The following RIN3 variants were observed in gnomAD, a reference collection of about 807,000 sequenced individuals.
The protein encoded by RIN3 is Ras and Rab interactor 3, also known as RAB5 interacting protein 3.
RIN3 carries 54 observed loss-of-function variants against 76.3 expected under a neutral mutation model. The ratio of observed to expected loss-of-function variants is 0.71; its 90% CI spans 0.57 to 0.89. The LOEUF is 0.89. Among genes scored for constraint, RIN3 ranks in the 40% least tolerant of loss-of-function variants. The probability of loss-of-function intolerance (pLI) is 0.00; values close to 1 mark genes in which losing one functional copy is unlikely to be tolerated. For synonymous variants in RIN3, 576 were observed against 564.0 expected, an observed-to-expected ratio of 1.02 and a Z score of -0.30; for missense variants, 1,256 against 1,322.1, an observed-to-expected ratio of 0.95 and a Z score of 0.78.
intron 1 of RIN3, among the ~76,000 whole-genome samples, chr14:92,549,437 C>G (rs1897365711): frequency 6.6e-6 from 1 of 152,212 alleles, no homozygotes; most frequent in Admixed American, 6.5e-5. Context: ...CCCCCTACCC[C>G]TAATAGGCAG....
At chr14:92,599,137 G>A (rs11160076) in intron 3 of RIN3, among the ~76,000 whole-genome samples, 15,781 of 152,232 alleles carry the variant, frequency 0.1, 1,209 homozygotes, top group East Asian at 0.43. Context: ...GTGCATCCAG[G>A]CCTTGAAGCT....
intron 1 of RIN3, among the ~76,000 whole-genome samples, chr14:92,548,430 G>C (rs1027349859): frequency 6.6e-6 from 1 of 152,096 alleles, no homozygotes; most frequent in Admixed American, 6.5e-5. Context: ...CGGTTCCTAG[G>C]GCTGCAGTAG....
chr14:92,640,119 C>T (rs1411303933), intron 4 of RIN3, among the ~76,000 whole-genome samples: 5 of 113,466 alleles, frequency 4.4e-5, no homozygotes, highest in Admixed American at 1.0e-4. Context: ...TGCCTGACTG[C>T]GTTTGCTGGG....
At chr14:92,578,234 TAAAAAAAAA>T (rs777276864) in intron 3 of RIN3, among the ~76,000 whole-genome samples, 8 of 100,896 alleles carry the variant, frequency 7.9e-5, no homozygotes, top group South Asian at 5.9e-4. Flanking sequence ...AGATCTGGCC[TAAAAAAAAA>T]AAAAAAGAAA....
intron 1 of RIN3, among the ~76,000 whole-genome samples, chr14:92,544,475 A>G (rs28499885): frequency 0.29 from 40,307 of 138,490 alleles, 6,760 homozygotes; most frequent in East Asian, 0.54. Flanking sequence ...GATTCTTTGG[A>G]TGGCCAGTTG....
At chr14:92,548,905 C>T (rs1268573483) in intron 1 of RIN3, among the ~76,000 whole-genome samples, 1 of 152,078 alleles carries the variant, frequency 6.6e-6, no homozygotes, top group African/African-American at 2.4e-5. Context: ...ATGAGGATGA[C>T]TGAATTAACA....
rs149816063 is a variant in RIN3, at chr14:92,625,703, G to A, written c.440+10224G>A. Among the ~76,000 whole-genome samples the A allele has an allele frequency of 5.6e-3, 860 of 152,308 alleles. 5 individuals are homozygous for A. Among genetic ancestry groups the A allele is most frequent in the African/African-American group, 0.019 (799 of 41,562 alleles). On this transcript the variant is annotated intron_variant, in intron 4 of 9. Transcript: ENST00000216487. ...CCCATACTCTTTAGAGGGCCTGGTA[G>A]CTGAGGGTCTGGGTCCGCTAGTTGG...
At position 92,688,567 on chromosome 14, in the gene RIN3, TC is replaced by T; in HGVS notation, c.*316del. On this transcript the variant is annotated 3_prime_UTR_variant, in exon 10 of 10. Coordinates refer to ENST00000216487, the MANE Select transcript of RIN3 (RefSeq NM_024832.5). ...CGGCGCCCTCTTCACACGTAGCTCC[TC>T]AGGCCATTCCCCATGAGTCCCCCAC... 1 of 413,732 alleles carries T rather than the reference TC, an allele frequency of 2.4e-6. No individual in the cohort carries two copies. The highest frequency in any genetic ancestry group is 4.4e-6 in the Non-Finnish European group (1 of 228,912). The allele number at this position is 413,732 out of a possible 1,614,324, so 25.6% of individuals were successfully genotyped here.
intron 7 of RIN3, among the ~76,000 whole-genome samples, chr14:92,666,470 T>C (rs1463933454): frequency 1.3e-5 from 2 of 152,126 alleles, no homozygotes; most frequent in Admixed American, 6.5e-5. Flanking sequence ...CCTGGTCGAG[T>C]GTGTCTTCTC....
At chr14:92,566,650 AG>A (rs1020394631) in intron 2 of RIN3, among the ~76,000 whole-genome samples, 6 of 152,188 alleles carry the variant, frequency 3.9e-5, no homozygotes, top group Non-Finnish European at 8.8e-5. Flanking sequence ...TATCATAGGC[AG>A]GGACTATTAT....
Position 92,580,370 on chromosome 14 carries a change from CA to C in RIN3, c.367+2895del, listed in dbSNP as rs534940255. 4.5e-3 allele frequency among the ~76,000 whole-genome samples: 693 copies of C among 152,314 alleles called. 3 individuals are homozygous for C. The highest frequency in any genetic ancestry group is 0.015 in the African/African-American group (634 of 41,564). On this transcript the variant is annotated intron_variant, in intron 3 of 9. Coordinates refer to ENST00000216487, the MANE Select transcript of RIN3 (RefSeq NM_024832.5). ...ACAGAGTGAGACTCCGTCTCAACAACAACAAAAACAAAACACAACCCACACA... is the reference window on the plus strand; with the variant it reads ...ACAGAGTGAGACTCCGTCTCAACAACACAAAAACAAAACACAACCCACACA...
intron 5 of RIN3, 70 bp from the exon 6 acceptor site, chr14:92,651,512 A>ACCCCCCCC: frequency 2.7e-5 from 20 of 741,924 alleles, no homozygotes; most frequent in East Asian, 8.1e-5. Flanking sequence ...CCGCCCACAG[A>ACCCCCCCC]CCCCGCCCAG....
chr14:92,525,778 C>T (rs571784879), intron 1 of RIN3, among the ~76,000 whole-genome samples: 2 of 152,326 alleles, frequency 1.3e-5, no homozygotes, highest in South Asian at 4.1e-4. Context: ...CATGGCACTG[C>T]ACCAGCCAGA....
At chr14:92,575,805 A>G (rs1898208423) in intron 2 of RIN3, among the ~76,000 whole-genome samples, 1 of 152,092 alleles carries the variant, frequency 6.6e-6, no homozygotes, top group Non-Finnish European at 1.5e-5. Context: ...TGTAACCTGT[A>G]TCTTGTGCCC....
At chr14:92,571,991 G>A (rs906351856) in intron 2 of RIN3, among the ~76,000 whole-genome samples, 2 of 152,208 alleles carry the variant, frequency 1.3e-5, no homozygotes, top group South Asian at 2.1e-4. Flanking sequence ...AGAGACCGAG[G>A]CAAGTTTTAG....
At chr14:92,583,838 C>T (rs1323583383) in intron 3 of RIN3, among the ~76,000 whole-genome samples, 1 of 152,140 alleles carries the variant, frequency 6.6e-6, no homozygotes, top group African/African-American at 2.4e-5. Flanking sequence ...GAAACTGTTC[C>T]ACTTCAGATC....
At position 92,673,663 on chromosome 14, in the gene RIN3, T is replaced by G. The variant is rs1888364127; in HGVS notation, c.2336-2812T>G. Among the ~76,000 whole-genome samples the G allele has an allele frequency of 2.6e-5, 4 of 152,158 alleles. No homozygotes were observed. In the South Asian group the frequency reaches 8.3e-4, roughly 32 times the overall value. On this transcript the variant is annotated intron_variant, in intron 7 of 9. Transcript: ENST00000216487. ...TGGGATTACAGGCTTACGCCACCAC[T>G]CCTGGCTAATTTTTGTATTTTTAGC...
intron 2 of RIN3, among the ~76,000 whole-genome samples, chr14:92,577,007 A>G (rs1898262931): frequency 6.6e-6 from 1 of 152,098 alleles, no homozygotes; most frequent in South Asian, 2.1e-4. Context: ...AGAGCCAGCC[A>G]ATTCCAGCCC....
intron 7 of RIN3, among the ~76,000 whole-genome samples, chr14:92,666,417 G>A (rs762791637): frequency 8.5e-5 from 13 of 152,302 alleles, no homozygotes; most frequent in Admixed American, 2.0e-4. Context: ...CTTCTATCAC[G>A]GTGCCAGTGG....
Sources: allele counts gnomAD v4.1 joint callset (sites outside exome capture counted in the v4.1 genomes callset), GRCh38; gene constraint gnomAD v4.1.1; transcripts MANE v1.5; gene names NCBI Gene and HGNC (gene_info 2026-07-23, HGNC 2026-07-21).